Variants in CLVS1 observed in about 807,000 individuals in gnomAD.
CLVS1 encodes clavesin 1, also known as clavesin-1.
CLVS1 carries 10 observed loss-of-function variants against 33.1 expected under a neutral mutation model. The ratio of observed to expected loss-of-function variants is 0.30; its 90% CI spans 0.19 to 0.51. CLVS1 has a LOEUF of 0.51. Ranked by LOEUF, CLVS1 falls within the 20% of genes least tolerant of loss-of-function variation. The pLI, the probability that CLVS1 is intolerant of heterozygous loss-of-function variation, is 0.97. For synonymous variants in CLVS1, 163 were observed against 166.1 expected, an observed-to-expected ratio of 0.98 and a Z score of 0.14; for missense variants, 343 against 433.4, an observed-to-expected ratio of 0.79 and a Z score of 1.85.
intron 2 of CLVS1, among the ~76,000 whole-genome samples, chr8:61,326,940 T>C (rs1485239108): frequency 6.6e-6 from 1 of 152,192 alleles, no homozygotes; most frequent in East Asian, 1.9e-4. Flanking sequence ...CTTTTAATTC[T>C]CAAAAACCGT....
intron 5 of CLVS1, among the ~76,000 whole-genome samples, chr8:61,497,753 C>G (rs913681156): frequency 6.6e-6 from 1 of 152,184 alleles, no homozygotes; most frequent in Non-Finnish European, 1.5e-5. Context: ...AAAAGAATGT[C>G]TACACCATAG....
intron 2 of CLVS1, among the ~76,000 whole-genome samples, chr8:61,222,335 C>T (rs963530075): frequency 1.3e-5 from 2 of 152,086 alleles, no homozygotes; most frequent in African/African-American, 4.8e-5. Context: ...ATAAATTTCT[C>T]TCTTAATACT....
At chr8:61,371,824 T>C (rs1380688565) in intron 2 of CLVS1, among the ~76,000 whole-genome samples, 1 of 152,222 alleles carries the variant, frequency 6.6e-6, no homozygotes, top group Non-Finnish European at 1.5e-5. Flanking sequence ...AATGAGTCAC[T>C]ATTCATAATC....
intron 3 of CLVS1, among the ~76,000 whole-genome samples, chr8:61,449,336 G>A (rs1057079639): frequency 6.6e-6 from 1 of 152,166 alleles, no homozygotes; most frequent in African/African-American, 2.4e-5. Flanking sequence ...GACAGGTGGG[G>A]GAGGAAGTCC....
chr8:61,166,556 T>G lies in CLVS1; in HGVS notation c.-152+34696T>G, dbSNP rs1194399651. ...GGAACGTAATAAAAGCTTTTTTTTT[T>G]GTTTCAATTGTTTGTTTGCTTTCTC... On this transcript the variant is annotated intron_variant, in intron 2 of 2. Coordinates refer to the CLVS1 transcript ENST00000522621. Among the ~76,000 whole-genome samples, 4 of 150,850 alleles carry G rather than the reference T, an allele frequency of 2.7e-5. No individual in the cohort carries two copies. In the East Asian group the frequency reaches 5.8e-4, roughly 22 times the overall value.
At chr8:61,169,616 A>G (rs1342082091) in intron 2 of CLVS1, among the ~76,000 whole-genome samples, 2 of 152,230 alleles carry the variant, frequency 1.3e-5, no homozygotes, top group African/African-American at 2.4e-5. Flanking sequence ...ACTGCCCCGA[A>G]GAACTCAGAA....
intron 1 of CLVS1, among the ~76,000 whole-genome samples, chr8:61,063,271 G>GA (rs1301326228): frequency 2.3e-5 from 3 of 132,460 alleles, no homozygotes; most frequent in Non-Finnish European, 4.6e-5. Context: ...GAGAGAGAGA[G>GA]AGAGAGAGAG....
the CLVS1 span, among the ~76,000 whole-genome samples, chr8:61,007,746 A>G: frequency 6.6e-6 from 1 of 152,236 alleles, no homozygotes; most frequent in South Asian, 2.1e-4. Context: ...CCGGCACAGA[A>G]AAGGACGTGC....
chr8:61,333,227 A>G (rs1811666525), intron 2 of CLVS1, among the ~76,000 whole-genome samples: 1 of 152,204 alleles, frequency 6.6e-6, no homozygotes, highest in Non-Finnish European at 1.5e-5. Flanking sequence ...GAAATTTGAA[A>G]GTTTAATAAA....
chr8:61,343,411 A>G (rs572940802), intron 2 of CLVS1, among the ~76,000 whole-genome samples: 7 of 152,306 alleles, frequency 4.6e-5, no homozygotes, highest in East Asian at 1.9e-4. Context: ...AAGATCAGTC[A>G]TTTAAAAACC....
chr8:61,436,834 T>A (rs1029060552), intron 3 of CLVS1, among the ~76,000 whole-genome samples: 8 of 152,262 alleles, frequency 5.3e-5, no homozygotes, highest in African/African-American at 1.9e-4. Flanking sequence ...TTGGCTGGAA[T>A]GAACTGACAA....
Position 61,300,287 on chromosome 8 carries a change from A to G in CLVS1, c.455+5A>G. On this transcript the variant is annotated splice_donor_5th_base_variant and intron_variant, in intron 2 of 5. Transcript: ENST00000325897. Reference sequence around the variant, plus strand: ...AGCCAATTGGGATCAGAGTAGGTAAATGTAGATAGTGTCTTTACTTGGTTT... The same window carrying G: ...AGCCAATTGGGATCAGAGTAGGTAAGTGTAGATAGTGTCTTTACTTGGTTT... The G allele has an allele frequency of 6.2e-7, 1 of 1,606,584 alleles. No individual in the cohort carries two copies. The highest frequency in any genetic ancestry group is 8.5e-7 in the Non-Finnish European group (1 of 1,176,198).
Position 61,358,604 on chromosome 8 carries a change from AAAAC to A in CLVS1, c.456-17981_456-17978del, listed in dbSNP as rs373323515. Among the ~76,000 whole-genome samples the A allele has an allele frequency of 6.9e-3, 1,057 of 152,316 alleles. 14 individuals are homozygous for A. Among genetic ancestry groups the A allele is most frequent in the African/African-American group, 0.024 (980 of 41,562 alleles). On this transcript the variant is annotated intron_variant, in intron 2 of 5. Transcript: ENST00000325897. Reference sequence around the variant, plus strand: ...CCAACACATATGCTCACACTAAATTAAAACAAACAAACAAACAAACAAAAAACAG... The same window carrying A: ...CCAACACATATGCTCACACTAAATTAAAACAAACAAACAAACAAAAAACAG...
At chr8:60,990,686 C>T in the CLVS1 span, among the ~76,000 whole-genome samples, 2 of 151,448 alleles carry the variant, frequency 1.3e-5, no homozygotes. Flanking sequence ...TTATTCATCA[C>T]CTATATTAAT....
At chr8:61,276,028 A>G (rs1480689058) in intron 2 of CLVS1, among the ~76,000 whole-genome samples, 1 of 152,200 alleles carries the variant, frequency 6.6e-6, no homozygotes, top group Non-Finnish European at 1.5e-5. Flanking sequence ...TTAAAGGGGA[A>G]AAAAAGGTTT....
At chr8:61,054,473 G>T (rs1202358464), upstream of CLVS1, among the ~76,000 whole-genome samples, 2 of 152,204 alleles carry the variant, frequency 1.3e-5, no homozygotes, top group African/African-American at 4.8e-5. Flanking sequence ...ACCAAGTAAT[G>T]GGAGACCAGG....
At chr8:61,450,814 G>T (rs965589075) in intron 3 of CLVS1, among the ~76,000 whole-genome samples, 2 of 152,182 alleles carry the variant, frequency 1.3e-5, no homozygotes, top group Non-Finnish European at 2.9e-5. Context: ...CAGAGTTTGG[G>T]TAATTATTAC....
At chr8:61,281,851 A>G (rs1301166897) in intron 2 of CLVS1, among the ~76,000 whole-genome samples, 1 of 152,200 alleles carries the variant, frequency 6.6e-6, no homozygotes, top group African/African-American at 2.4e-5. Context: ...TACTACTCCT[A>G]TATCTCAAAT....
rs144493192 is a variant in CLVS1 at position 61,071,149 on chromosome 8, G to T, written c.-243+13919G>T. 4.6e-5 allele frequency among the ~76,000 whole-genome samples: 7 copies of T among 152,338 alleles called. No individual in the cohort carries two copies. In the East Asian group the frequency reaches 1.2e-3, roughly 25 times the overall value. On this transcript the variant is annotated intron_variant, in intron 1 of 2. Transcript: ENST00000522621. ...GAAAGTCCATTTATGAGGCCAACGCGTCTTTACCAGAGAAAAGTATGCAAC... is the reference window on the plus strand; with the variant it reads ...GAAAGTCCATTTATGAGGCCAACGCTTCTTTACCAGAGAAAAGTATGCAAC...
Sources: gnomAD v4.1 joint callset for allele counts (sites outside exome capture counted in the v4.1 genomes callset) on GRCh38, gnomAD v4.1.1 for gene constraint, MANE v1.5 for transcripts, NCBI Gene and HGNC (gene_info 2026-07-23, HGNC 2026-07-21) for gene names.